Variants in IGSF11 observed in about 807,000 individuals in gnomAD.
IGSF11 encodes immunoglobulin superfamily member 11.
In IGSF11, 22 loss-of-function variants were observed where a neutral mutation model predicts 41.0. That is an observed-to-expected ratio of 0.54 (90% CI 0.38 to 0.77). The LOEUF is 0.77. Ranked by LOEUF, IGSF11 falls within the 30% of genes least tolerant of loss-of-function variation. The pLI is 0.00. For synonymous variants in IGSF11, 219 were observed against 201.3 expected (o/e 1.09, Z -0.74); for missense variants, 444 against 530.8 (o/e 0.84, Z 1.61).
intron 1 of IGSF11, among the ~76,000 whole-genome samples, chr3:118,951,259 A>C (rs1244982236): frequency 6.6e-6 from 1 of 152,204 alleles, no homozygotes; most frequent in African/African-American, 2.4e-5. Flanking sequence ...TGATGCATGT[A>C]TACCTTATAT....
chr3:119,053,947 G>A (rs534273248), intron 1 of IGSF11, among the ~76,000 whole-genome samples: 76 of 152,288 alleles, frequency 5.0e-4, no homozygotes, highest in African/African-American at 1.8e-3. Context: ...ATGGTGCTGG[G>A]ATAAATGGCA....
upstream of IGSF11, among the ~76,000 whole-genome samples, chr3:119,108,063 C>A (rs1339998090): frequency 6.6e-6 from 1 of 151,102 alleles, no homozygotes; most frequent in East Asian, 1.9e-4. Flanking sequence ...ATTGACTTGG[C>A]AATGCGGGCT....
chr3:119,143,118 G>A (rs759623785), intron 1 of IGSF11, among the ~76,000 whole-genome samples: 1 of 152,054 alleles, frequency 6.6e-6, no homozygotes, highest in Admixed American at 6.6e-5. Context: ...AGAAATGAAA[G>A]ATATAGTAAC....
chr3:119,070,197 G>A (rs1459826092), intron 1 of IGSF11, among the ~76,000 whole-genome samples: 2 of 152,168 alleles, frequency 1.3e-5, no homozygotes, highest in African/African-American at 4.8e-5. Context: ...TTAACCCCAG[G>A]CCCTCAGCAA....
In IGSF11 at chr3:119,084,764, A is replaced by G. The variant is rs568125205; in HGVS notation, c.49+20380T>C. 8.7e-4 allele frequency among the ~76,000 whole-genome samples: 133 copies of G among 152,296 alleles called. 2 individuals are homozygous for G. The highest frequency in any genetic ancestry group is 2.3e-3 in the African/African-American group (96 of 41,580). ...TCTGAGTGCATTCTGGCAGTTTGTA[A>G]GCCCTTCATATCTCTCAGTGCACCC... On this transcript the variant is annotated intron_variant, in intron 1 of 6. Coordinates refer to the IGSF11 transcript ENST00000354673.
At chr3:119,058,567 G>A (rs984902119) in intron 1 of IGSF11, among the ~76,000 whole-genome samples, 3 of 152,308 alleles carry the variant, frequency 2.0e-5, no homozygotes, top group East Asian at 1.9e-4. Context: ...TCAGTGTGGC[G>A]ATTCCTCAGG....
intron 1 of IGSF11, among the ~76,000 whole-genome samples, chr3:119,012,299 T>C (rs1938223690): frequency 6.6e-6 from 1 of 152,236 alleles, no homozygotes; most frequent in Non-Finnish European, 1.5e-5. Flanking sequence ...AAAGGTCTGC[T>C]ATTCTCAGAA....
intron 1 of IGSF11, among the ~76,000 whole-genome samples, chr3:118,969,893 T>C (rs538198271): frequency 6.2e-4 from 94 of 152,296 alleles, no homozygotes; most frequent in Middle Eastern, 6.8e-3. Context: ...CCCAGATCCT[T>C]AGCTCCTTCC....
intron 1 of IGSF11, among the ~76,000 whole-genome samples, chr3:119,001,275 A>C (rs1300489070): frequency 6.6e-6 from 1 of 150,642 alleles, no homozygotes; most frequent in Non-Finnish European, 1.5e-5. Flanking sequence ...CTAATATTTT[A>C]TATAATTTAC....
At chr3:118,905,550 T>TAA (rs761841624) in intron 5 of IGSF11, 46 bp downstream of exon 5, 1 of 1,605,876 alleles carries the variant, frequency 6.2e-7, no homozygotes, top group South Asian at 1.1e-5. Flanking sequence ...ACAAAGATCT[T>TAA]AGAGTTTCAG....
At chr3:119,010,688 C>T (rs1434394944) in intron 1 of IGSF11, among the ~76,000 whole-genome samples, 1 of 152,198 alleles carries the variant, frequency 6.6e-6, no homozygotes, top group Non-Finnish European at 1.5e-5. Context: ...CTCCAACTGA[C>T]CAACAGTAGA....
chr3:119,131,156 C>A (rs183967032), intron 1 of IGSF11, among the ~76,000 whole-genome samples: 1 of 152,146 alleles, frequency 6.6e-6, no homozygotes, highest in African/African-American at 2.4e-5. Flanking sequence ...TCCAAAGGAT[C>A]GCAGCTCCTT....
chr3:119,124,430 C>A (rs1450426407), intron 1 of IGSF11, among the ~76,000 whole-genome samples: 2 of 151,194 alleles, frequency 1.3e-5, no homozygotes, highest in Non-Finnish European at 2.9e-5. Flanking sequence ...CCATGCCTGG[C>A]TCATTTTCAT....
In IGSF11 at chr3:118,987,713, AGGCTGCCTTGGCAG is replaced by A. The variant is rs902587231; in HGVS notation, c.52+46804_52+46817del. ...CTAGGCATGTGACTTGAGATTTGGCAGGCTGCCTTGGCAGGGCTGGACAGTCTGTGGGCAGAAAA... is the reference window on the plus strand; with the variant it reads ...CTAGGCATGTGACTTGAGATTTGGCAGGCTGGACAGTCTGTGGGCAGAAAA... On this transcript the variant is annotated intron_variant, in intron 1 of 6. Coordinates refer to ENST00000393775, the MANE Select transcript of IGSF11 (RefSeq NM_001015887.3). Among the ~76,000 whole-genome samples the A allele has an allele frequency of 3.3e-5, 5 of 152,374 alleles. 1 individual carries two copies. The highest frequency in any genetic ancestry group is 1.9e-4 in the East Asian group (1 of 5,194).
chr3:118,952,760 T>A (rs959675236), intron 1 of IGSF11, among the ~76,000 whole-genome samples: 8 of 152,084 alleles, frequency 5.3e-5, no homozygotes, highest in Admixed American at 2.6e-4. Flanking sequence ...AAAACTGAAA[T>A]ATGACCCATA....
At chr3:118,994,521 G>T (rs1936086461) in intron 1 of IGSF11, among the ~76,000 whole-genome samples, 1 of 152,090 alleles carries the variant, frequency 6.6e-6, no homozygotes, top group South Asian at 2.1e-4. Flanking sequence ...AGCCAGGTGT[G>T]GTGGCACACA....
At chr3:119,010,056 A>G (rs1937919949) in intron 1 of IGSF11, among the ~76,000 whole-genome samples, 1 of 152,246 alleles carries the variant, frequency 6.6e-6, no homozygotes. Context: ...AGAGATGGAA[A>G]GACAGATGAA....
At chr3:119,068,275 C>A (rs1942293775) in intron 1 of IGSF11, among the ~76,000 whole-genome samples, 1 of 152,204 alleles carries the variant, frequency 6.6e-6, no homozygotes, top group Non-Finnish European at 1.5e-5. Flanking sequence ...TGACCCAAAC[C>A]ATATTATTTG....
Position 118,907,873 on chromosome 3 carries a change from C to T in IGSF11, c.581-2155G>A, listed in dbSNP as rs1001068343. Among the ~76,000 whole-genome samples, 5 of 152,262 alleles carry T rather than the reference C, an allele frequency of 3.3e-5. 1 individual carries two copies. The highest frequency in any genetic ancestry group is 1.9e-4 in the East Asian group (1 of 5,186). On this transcript the variant is annotated intron_variant, in intron 4 of 6. Coordinates refer to ENST00000393775, the MANE Select transcript of IGSF11 (RefSeq NM_001015887.3). ...AAACCACATTATTCTAGAGGATGCA[C>T]CTATAGAATATTTCCTGACCAATAA...
Sources: gnomAD v4.1 joint callset for allele counts (sites outside exome capture counted in the v4.1 genomes callset) on GRCh38, gnomAD v4.1.1 for gene constraint, MANE v1.5 for transcripts, NCBI Gene and HGNC (gene_info 2026-07-23, HGNC 2026-07-21) for gene names.